The following BCAS3 variants were observed in gnomAD, a reference collection of about 807,000 sequenced individuals.
BCAS3 encodes the protein BCAS3 microtubule associated cell migration factor.
BCAS3 carries 53 observed loss-of-function variants against 116.1 expected under a neutral mutation model. That is an observed-to-expected ratio of 0.46 (90% CI 0.37 to 0.57). The LOEUF is 0.57. Among genes scored for constraint, BCAS3 ranks in the 20% least tolerant of loss-of-function variants. The pLI, the probability that BCAS3 is intolerant of heterozygous loss-of-function variation, is 0.00. For synonymous variants in BCAS3, 391 were observed against 408.2 expected (o/e 0.96, Z 0.51); for missense variants, 917 against 1,165.4 (o/e 0.79, Z 3.10).
At position 61,226,283 on chromosome 17, in the gene BCAS3, G is replaced by A. The variant is rs2082368832; in HGVS notation, c.2425+141719G>A. On this transcript the variant is annotated intron_variant, in intron 22 of 23. Coordinates refer to ENST00000407086, the MANE Select transcript of BCAS3 (RefSeq NM_017679.5). The surrounding 1 kb of genome is among the most constrained non-coding windows in gnomAD (Gnocchi z 6.0). Reference sequence around the variant, plus strand: ...CCAAAATTCTCTATAAAAAATTCAGGAAATAATTGTTTTGTGATACCTAAT... The same window carrying A: ...CCAAAATTCTCTATAAAAAATTCAGAAAATAATTGTTTTGTGATACCTAAT... 2.0e-5 allele frequency among the ~76,000 whole-genome samples: 3 copies of A among 152,158 alleles called. No individual in the cohort carries two copies. Among genetic ancestry groups the A allele is most frequent in the Admixed American group, 2.0e-4 (3 of 15,282 alleles).
chr17:61,122,818 A>C lies in BCAS3; in HGVS notation c.2425+38254A>C, dbSNP rs1437459389. ...GCATCTGTTGTCAATACAGCAATGTAAGCTGATGGCTATTGGAATTCACAT... is the reference window on the plus strand; with the variant it reads ...GCATCTGTTGTCAATACAGCAATGTCAGCTGATGGCTATTGGAATTCACAT... On this transcript the variant is annotated intron_variant, in intron 22 of 23. Coordinates refer to ENST00000407086, the MANE Select transcript of BCAS3 (RefSeq NM_017679.5). This position sits in a 1 kb window ranked among gnomAD's most constrained non-coding sequence, Gnocchi z 4.6. 1.3e-5 allele frequency among the ~76,000 whole-genome samples: 2 copies of C among 152,232 alleles called. No homozygotes were observed. Among genetic ancestry groups the C allele is most frequent in the Non-Finnish European group, 2.9e-5 (2 of 68,040 alleles).
intron 7 of BCAS3, among the ~76,000 whole-genome samples, chr17:60,858,928 A>C (rs1172146839): frequency 1.3e-5 from 2 of 151,554 alleles, no homozygotes; most frequent in African/African-American, 4.9e-5. Flanking sequence ...CCATTAAAAA[A>C]CTGTATTCTT....
intron 14 of BCAS3, among the ~76,000 whole-genome samples, chr17:60,976,035 T>TTTTTC (rs1339845015): frequency 7.6e-6 from 1 of 131,690 alleles, no homozygotes; most frequent in African/African-American, 2.9e-5. Context: ...TTTTTTTTTT[T>TTTTTC]TTTTTCTTTT....
rs1005038926 is a variant in BCAS3, at chr17:61,362,998, T to C, written c.2426-5329T>C. Among the ~76,000 whole-genome samples the C allele has an allele frequency of 2.0e-5, 3 of 152,236 alleles. No homozygotes were observed. The highest frequency in any genetic ancestry group is 3.2e-3 in the Middle Eastern group (1 of 316). The stretch of plus-strand genomic sequence containing the variant: ...ACTGTCAAATTTCATAAGTAGTCAA[T>C]AAACGAACCTGTTTTGAGCAAGCAT... On this transcript the variant is annotated intron_variant, in intron 22 of 23. Transcript: ENST00000407086. This position sits in a 1 kb window ranked among gnomAD's most constrained non-coding sequence, Gnocchi z 4.4.
rs543664615 is a variant in BCAS3 at position 61,183,668 on chromosome 17, A to T, written c.2425+99104A>T. Among the ~76,000 whole-genome samples, 5 of 152,342 alleles carry T rather than the reference A, an allele frequency of 3.3e-5. No individual in the cohort carries two copies. In the South Asian group the frequency reaches 1.0e-3, roughly 32 times the overall value. On this transcript the variant is annotated intron_variant, in intron 22 of 23. Transcript: ENST00000407086. ...ATCTACAATATGGTATGTCCAGAAA[A>T]AGAAAGAGGGAGTTCACCAACCTGT...
chr17:61,003,306 G>T (rs910257420), intron 15 of BCAS3, among the ~76,000 whole-genome samples: 1 of 147,890 alleles, frequency 6.8e-6, no homozygotes, highest in Non-Finnish European at 1.5e-5. Flanking sequence ...TATTTTATGT[G>T]TAATATTTTT....
In BCAS3 at chr17:61,256,379, C is replaced by G. The variant is rs185449693; in HGVS notation, c.2426-111948C>G. 2.0e-5 allele frequency among the ~76,000 whole-genome samples: 3 copies of G among 152,202 alleles called. No individual in the cohort carries two copies. Among genetic ancestry groups the G allele is most frequent in the East Asian group, 1.9e-4 (1 of 5,204 alleles). On this transcript the variant is annotated intron_variant, in intron 22 of 23. Coordinates refer to ENST00000407086, the MANE Select transcript of BCAS3 (RefSeq NM_017679.5). This position sits in a 1 kb window ranked among gnomAD's most constrained non-coding sequence, Gnocchi z 5.6. ...AGTGCAGCGGTGTGATCAAGGCTCA[C>G]TGCAACCTCCGCCTCTGGGGTTCAA...
Position 61,274,192 on chromosome 17 carries a change from G to A in BCAS3, c.2426-94135G>A, listed in dbSNP as rs1390057419. Among the ~76,000 whole-genome samples the A allele has an allele frequency of 2.7e-5, 4 of 150,146 alleles. No individual in the cohort carries two copies. In the East Asian group the frequency reaches 7.8e-4, roughly 29 times the overall value. ...TTCTCATTGTTCAGTTCCCACCTAT[G>A]AGTGAGAACATGCGGTGTTTAGTTT... On this transcript the variant is annotated intron_variant, in intron 22 of 23. Transcript: ENST00000407086.
chr17:61,123,726 T>C (rs2075912324), intron 22 of BCAS3, among the ~76,000 whole-genome samples: 1 of 152,154 alleles, frequency 6.6e-6, no homozygotes. Context: ...CCAGTATTAA[T>C]AGTTTGGCTC....
At chr17:60,780,383 A>T (rs192249673) in intron 6 of BCAS3, among the ~76,000 whole-genome samples, 2 of 151,534 alleles carry the variant, frequency 1.3e-5, no homozygotes, top group Non-Finnish European at 2.9e-5. Flanking sequence ...TCTTACTGCA[A>T]ACTCCACCTC....
At chr17:61,090,848 G>C (rs1028697751) in intron 22 of BCAS3, among the ~76,000 whole-genome samples, 1 of 152,042 alleles carries the variant, frequency 6.6e-6, no homozygotes, top group Non-Finnish European at 1.5e-5. Context: ...GTAGAGATGG[G>C]GTGTCACCAT....
At chr17:60,777,771 T>C (rs1232476832) in intron 6 of BCAS3, among the ~76,000 whole-genome samples, 2 of 152,192 alleles carry the variant, frequency 1.3e-5, no homozygotes, top group Non-Finnish European at 2.9e-5. Context: ...TCCAGAAACT[T>C]TCTGACAGGG....
intron 22 of BCAS3, among the ~76,000 whole-genome samples, chr17:61,137,568 A>G (rs2076709507): frequency 6.6e-6 from 1 of 152,188 alleles, no homozygotes; most frequent in South Asian, 2.1e-4. Context: ...CAGGAGTTTG[A>G]GACCAGCCTG....
chr17:60,835,621 A>G (rs921388979), intron 7 of BCAS3, among the ~76,000 whole-genome samples: 3 of 152,114 alleles, frequency 2.0e-5, no homozygotes, highest in Admixed American at 6.5e-5. Flanking sequence ...AAATGTTTAA[A>G]GAAAAGCTTT....
In BCAS3 at chr17:61,381,552, T is replaced by A. The variant is rs1186642501; in HGVS notation, c.2594-10425T>A. Among the ~76,000 whole-genome samples, 2 of 152,120 alleles carry A rather than the reference T, an allele frequency of 1.3e-5. No individual in the cohort carries two copies. Among genetic ancestry groups the A allele is most frequent in the East Asian group, 3.9e-4 (2 of 5,192 alleles). ...AACACTAGACCAAGAACTGGGTTAT[T>A]TAACTTCAAACCTTGTTCACTGATG... On this transcript the variant is annotated intron_variant, in intron 23 of 23. Transcript: ENST00000407086. The surrounding 1 kb of genome is among the most constrained non-coding windows in gnomAD (Gnocchi z 6.0).
At chr17:60,918,550 A>G (rs2058895277) in intron 12 of BCAS3, among the ~76,000 whole-genome samples, 2 of 152,120 alleles carry the variant, frequency 1.3e-5, no homozygotes, top group African/African-American at 4.8e-5. Context: ...ATCTGAGTGT[A>G]CATTTGTACC....
At chr17:60,826,136 A>G (rs2050400748) in intron 7 of BCAS3, among the ~76,000 whole-genome samples, 1 of 151,986 alleles carries the variant, frequency 6.6e-6, no homozygotes, top group Non-Finnish European at 1.5e-5. Flanking sequence ...TTGAGATTAC[A>G]GGCATGAGCC....
At position 61,345,611 on chromosome 17, in the gene BCAS3, T is replaced by C. The variant is rs1015818726; in HGVS notation, c.2426-22716T>C. 4.3e-4 allele frequency among the ~76,000 whole-genome samples: 65 copies of C among 152,154 alleles called. 2 individuals carry two copies. Among genetic ancestry groups the C allele is most frequent in the Admixed American group, 4.1e-3 (63 of 15,278 alleles). On this transcript the variant is annotated intron_variant, in intron 22 of 23. Transcript: ENST00000407086. ...CATTTGACACAGCATGTGCGTTTTG[T>C]GTAGCACAGCTCAGCAGCCTGGATG...
intron 22 of BCAS3, among the ~76,000 whole-genome samples, chr17:61,089,872 C>CA (rs1241466860): frequency 1.3e-5 from 2 of 152,014 alleles, no homozygotes; most frequent in Non-Finnish European, 2.9e-5. Flanking sequence ...ACTGTATTGA[C>CA]AGTTGCCATT....
Sources: allele counts gnomAD v4.1 joint callset (sites outside exome capture counted in the v4.1 genomes callset), GRCh38; gene constraint gnomAD v4.1.1; non-coding constraint Gnocchi (gnomAD v3.1); transcripts MANE v1.5; gene names NCBI Gene and HGNC (gene_info 2026-07-23, HGNC 2026-07-21).